The following UGT2B15 variants were observed in gnomAD, a reference collection of about 807,000 sequenced individuals.
UGT2B15 encodes the protein UDP-glucuronosyltransferase 2B15.
UGT2B15 carries 36 observed loss-of-function variants against 45.9 expected under a neutral mutation model. The observed-to-expected ratio is 0.78, with a 90% CI of 0.60 to 1.04. The LOEUF (loss-of-function observed/expected upper bound fraction) is 1.04, where lower values mean the gene tolerates loss of function less well. Ranked by LOEUF, UGT2B15 falls within the 50% of genes least tolerant of loss-of-function variation. UGT2B15 has a pLI of 0.00. For synonymous variants in UGT2B15, 219 were observed against 216.4 expected, an observed-to-expected ratio of 1.01 and a Z score of -0.11; for missense variants, 617 against 622.4, an observed-to-expected ratio of 0.99 and a Z score of 0.09.
chr4:68,658,509 T>G (rs1367725604), intron 3 of UGT2B15, among the ~76,000 whole-genome samples: 1 of 152,092 alleles, frequency 6.6e-6, no homozygotes, highest in Admixed American at 6.6e-5. Flanking sequence ...GGTGTCAAAA[T>G]TTGACATAAG....
intron 3 of UGT2B15, among the ~76,000 whole-genome samples, chr4:68,657,947 C>T (rs553565748): frequency 6.6e-6 from 1 of 151,914 alleles, no homozygotes; most frequent in Non-Finnish European, 1.5e-5. Flanking sequence ...CAATTGAATC[C>T]ATTTTATTTT....
intron 5 of UGT2B15, 137 bp from the exon 6 acceptor site, chr4:68,647,520 G>T: frequency 9.1e-7 from 1 of 1,102,484 alleles, no homozygotes; most frequent in Non-Finnish European, 1.2e-6. Context: ...AAATTTCAAT[G>T]TTTTAATTCA....
intron 2 of UGT2B15, among the ~76,000 whole-genome samples, chr4:68,667,128 C>G (rs1239417243): frequency 6.6e-6 from 1 of 151,246 alleles, no homozygotes; most frequent in Non-Finnish European, 1.5e-5. Flanking sequence ...TTCTACTTTT[C>G]TGCCTTAATG....
At position 68,670,211 on chromosome 4, in the gene UGT2B15, T is replaced by C. The variant is rs747742003; in HGVS notation, c.408A>G (p.Lys136=). Residue 136 remains lysine, a synonymous_variant, in exon 1 of 6, where the codon AAA becomes AAG. Coordinates refer to ENST00000338206, the MANE Select transcript of UGT2B15 (RefSeq NM_001076.4). ...TTGACTCTTGTAGTTTCATCATAAGTTTCTTATTCAAAACTGCATCTTTAC... is the reference window on the plus strand; with the variant it reads ...TTGACTCTTGTAGTTTCATCATAAGCTTCTTATTCAAAACTGCATCTTTAC... ...KLCKDAVLNK[K]LMMKLQESKF... 9 of 1,613,870 alleles carry C rather than the reference T, an allele frequency of 5.6e-6. No homozygotes were observed. Among genetic ancestry groups the C allele is most frequent in the South Asian group, 4.4e-5 (4 of 91,046 alleles).
rs200638397 is a variant in UGT2B15, at chr4:68,670,105, T to G, written c.514A>C (p.Ser172Arg). The G allele has an allele frequency of 9.2e-4, 1,490 of 1,614,098 alleles. 1 individual carries two copies. Among genetic ancestry groups the G allele is most frequent in the Non-Finnish European group, 1.2e-3 (1,378 of 1,179,988 alleles). ...AELFNIPFLY[S>R]LRFSVGYTFE... ...GTGTAGCCAACAGAGAATCGAAGACTGTACAGAAAGGGTATGTTAAATAGT... is the reference window on the plus strand; with the variant it reads ...GTGTAGCCAACAGAGAATCGAAGACGGTACAGAAAGGGTATGTTAAATAGT... The change falls in exon 1 of 6, where the codon AGT becomes CGT. Residue 172 changes from serine to arginine, a missense_variant. Ser to Arg is a moderately radical substitution (Grantham distance 110). This residue lies in a region of UGT2B15 where 351 missense variants were observed against 342.1 expected (regional missense o/e 1.03). Coordinates refer to ENST00000338206, the MANE Select transcript of UGT2B15 (RefSeq NM_001076.4).
chr4:68,655,148 G>A lies in UGT2B15; in HGVS notation c.1040C>T (p.Thr347Ile). The stretch of plus-strand genomic sequence containing the variant: ...GTACAGTCGAGTATTGGAACCTAAA[G>A]TATTTGGCTTCTTGCCATCAAATCT... ...LWRFDGKKPNTLGSNTRLYKW... is the reference protein window; with the variant it reads ...LWRFDGKKPNILGSNTRLYKW... The change falls in exon 4 of 6, where the codon ACT (threonine) becomes ATT (isoleucine). Residue 347 changes from threonine (T) to isoleucine (I), a missense_variant. Physicochemically the swap from Thr to Ile is moderately conservative, Grantham distance 89 (BLOSUM62 -1). Transcript: ENST00000338206. The A allele has an allele frequency of 1.9e-6, 3 of 1,613,442 alleles. No individual in the cohort carries two copies. The highest frequency in any genetic ancestry group is 2.5e-6 in the Non-Finnish European group (3 of 1,179,614).
chr4:68,660,539 A>T (rs576963889), intron 3 of UGT2B15, among the ~76,000 whole-genome samples: 1 of 151,678 alleles, frequency 6.6e-6, no homozygotes, highest in Non-Finnish European at 1.5e-5. Context: ...TAATCAGGCC[A>T]AGTATAATAA....
At position 68,670,647 on chromosome 4, in the gene UGT2B15, G is replaced by T. The variant is rs187647606; in HGVS notation, c.-29C>A. The stretch of plus-strand genomic sequence containing the variant: ...GGTCTTATGCAATGCTTCTTTTCCA[G>T]TTGTTGTTTCTTTCTGTCATTTCTC... On this transcript the variant is annotated 5_prime_UTR_variant, in exon 1 of 6. It adds an upstream start codon to the 5' untranslated region. Transcript: ENST00000338206. 3.8e-5 allele frequency: 58 copies of T among 1,523,138 alleles called. No individual in the cohort carries two copies. The African/African-American group carries it at 7.8e-4, about 21-fold the overall frequency. The allele number at this position is 1,523,138 out of a possible 1,614,324, so 94.4% of individuals were successfully genotyped here.
intron 1 of UGT2B15, among the ~76,000 whole-genome samples, chr4:68,669,030 T>C (rs1161413229): frequency 5.3e-5 from 8 of 151,780 alleles, no homozygotes; most frequent in African/African-American, 1.7e-4. Context: ...TTTATTAAGC[T>C]AGTCCCTTGA....
At position 68,670,099 on chromosome 4, in the gene UGT2B15, G is replaced by T. The variant is rs138640811; in HGVS notation, c.520C>A (p.Arg174=). The T allele has an allele frequency of 9.3e-6, 15 of 1,613,938 alleles. 1 individual carries two copies. Among genetic ancestry groups the T allele is most frequent in the Middle Eastern group, 1.6e-4 (1 of 6,084 alleles). The change falls in exon 1 of 6, where the codon CGA becomes AGA. Residue 174 remains arginine, a synonymous_variant. Transcript: ENST00000338206. ...LFNIPFLYSL[R]FSVGYTFEKN... is the part of the protein sequence containing the mutation. ...TCAAATGTGTAGCCAACAGAGAATC[G>T]AAGACTGTACAGAAAGGGTATGTTA...
chr4:68,665,978 G>A (rs528098106), intron 2 of UGT2B15, among the ~76,000 whole-genome samples: 269 of 152,180 alleles, frequency 1.8e-3, no homozygotes, highest in Non-Finnish European at 3.0e-3. Context: ...CTTGAACCTG[G>A]GGGGTGGAGG....
Position 68,662,734 on chromosome 4 carries a change from T to C in UGT2B15, c.1005+274A>G, listed in dbSNP as rs1225300033. On this transcript the variant is annotated intron_variant, in intron 3 of 5. Transcript: ENST00000338206. ...CAGAATTTAGTGATTTCTATGTACATGCTACGATACCATGATAATACCAAA... is the reference window on the plus strand; with the variant it reads ...CAGAATTTAGTGATTTCTATGTACACGCTACGATACCATGATAATACCAAA... 2.7e-5 allele frequency among the ~76,000 whole-genome samples: 4 copies of C among 150,180 alleles called. 1 individual carries two copies. Among genetic ancestry groups the C allele is most frequent in the African/African-American group, 4.9e-5 (2 of 40,952 alleles).
intron 3 of UGT2B15, 23 bp from the exon 4 acceptor site, chr4:68,655,205 T>C (rs368303965): frequency 1.2e-6 from 2 of 1,610,158 alleles, no homozygotes; most frequent in African/African-American, 2.7e-5. Flanking sequence ...GGAAAATATC[T>C]TGTTCAATGA....
chr4:68,669,885 C>G lies in UGT2B15; in HGVS notation c.724+10G>C, dbSNP rs1560612881. ...GAACTTAATAAGCACCAGTTAGACA[C>G]ATGACTTACCTAGAACTTCACTATA... On this transcript the variant is annotated intron_variant, in intron 1 of 5. Coordinates refer to ENST00000338206, the MANE Select transcript of UGT2B15 (RefSeq NM_001076.4). 2 of 1,596,428 alleles carry G rather than the reference C, an allele frequency of 1.3e-6. No homozygotes were observed. Among genetic ancestry groups the G allele is most frequent in the East Asian group, 4.5e-5 (2 of 44,796 alleles).
chr4:68,668,611 C>A (rs1042742872), intron 1 of UGT2B15, among the ~76,000 whole-genome samples: 1 of 149,672 alleles, frequency 6.7e-6, no homozygotes, highest in Non-Finnish European at 1.5e-5. Context: ...GTGGATTCCT[C>A]CATGCTGTTC....
Position 68,669,878 on chromosome 4 carries a change from T to G in UGT2B15, c.724+17A>C, listed in dbSNP as rs985281983. ...AAAGTTAGAACTTAATAAGCACCAGTTAGACACATGACTTACCTAGAACTT... is the reference window on the plus strand; with the variant it reads ...AAAGTTAGAACTTAATAAGCACCAGGTAGACACATGACTTACCTAGAACTT... On this transcript the variant is annotated intron_variant, in intron 1 of 5. Transcript: ENST00000338206. 1 of 1,590,324 alleles carries G rather than the reference T, an allele frequency of 6.3e-7. No individual in the cohort carries two copies. The highest frequency in any genetic ancestry group is 1.9e-5 in the Admixed American group (1 of 52,428).
chr4:68,656,341 G>A (rs1732805243), intron 3 of UGT2B15, among the ~76,000 whole-genome samples: 1 of 151,552 alleles, frequency 6.6e-6, no homozygotes, highest in Admixed American at 6.6e-5. Flanking sequence ...ACAACTAGCT[G>A]GACTTAATTT....
chr4:68,660,851 G>A (rs1399793057), intron 3 of UGT2B15, among the ~76,000 whole-genome samples: 1 of 151,646 alleles, frequency 6.6e-6, no homozygotes, highest in African/African-American at 2.4e-5. Context: ...TTAAACTCCA[G>A]AAGAAAATAA....
At position 68,670,634 on chromosome 4, in the gene UGT2B15, T is replaced by C; in HGVS notation, c.-16A>G. On this transcript the variant is annotated 5_prime_UTR_variant, in exon 1 of 6. Coordinates refer to ENST00000338206, the MANE Select transcript of UGT2B15 (RefSeq NM_001076.4). Reference sequence around the variant, plus strand: ...TCAGAGACATCCTGGTCTTATGCAATGCTTCTTTTCCAGTTGTTGTTTCTT... The same window carrying C: ...TCAGAGACATCCTGGTCTTATGCAACGCTTCTTTTCCAGTTGTTGTTTCTT... The C allele has an allele frequency of 6.5e-7, 1 of 1,538,152 alleles. No individual in the cohort carries two copies. Among genetic ancestry groups the C allele is most frequent in the Non-Finnish European group, 8.7e-7 (1 of 1,148,428 alleles).
Sources: allele counts gnomAD v4.1 joint callset (sites outside exome capture counted in the v4.1 genomes callset), GRCh38; gene constraint gnomAD v4.1.1; regional missense constraint gnomAD v4.1.1; transcripts MANE v1.5; gene names NCBI Gene and HGNC (gene_info 2026-07-23, HGNC 2026-07-21).